The following NYAP2 variants were observed in gnomAD, a reference collection of about 807,000 sequenced individuals.
NYAP2 encodes neuronal tyrosine-phosphorylated phosphoinositide-3-kinase adapter 2.
In NYAP2, 23 loss-of-function variants were observed where a neutral mutation model predicts 50.4. That is an observed-to-expected ratio of 0.46 (90% CI 0.33 to 0.65). The LOEUF is 0.65. NYAP2 is among the 30% of genes least tolerant of loss of function. NYAP2 has a pLI of 0.02. For missense variants in NYAP2, 885 were observed against 861.0 expected, an observed-to-expected ratio of 1.03 and a Z score of -0.35; for synonymous variants, 394 against 365.2, an observed-to-expected ratio of 1.08 and a Z score of -0.90.
intron 3 of NYAP2, among the ~76,000 whole-genome samples, chr2:225,426,056 T>A (rs906982087): frequency 9.2e-5 from 14 of 151,852 alleles, no homozygotes; most frequent in Non-Finnish European, 1.6e-4. Flanking sequence ...TGACAGGAAT[T>A]AATTCTTGAT....
At chr2:225,566,217 A>G (rs1322401137) in intron 4 of NYAP2, among the ~76,000 whole-genome samples, 1 of 152,170 alleles carries the variant, frequency 6.6e-6, no homozygotes, top group Non-Finnish European at 1.5e-5. Flanking sequence ...TATTACTATT[A>G]TTACTGAAGT....
chr2:225,611,738 A>G (rs115685439), intron 5 of NYAP2, among the ~76,000 whole-genome samples: 1,648 of 152,072 alleles, frequency 0.011, 17 homozygotes, highest in Middle Eastern at 0.017. Flanking sequence ...GGCAGAGGTC[A>G]TGGTGTTTTA....
At chr2:225,613,361 G>A (rs115883001) in intron 5 of NYAP2, among the ~76,000 whole-genome samples, 2 of 152,064 alleles carry the variant, frequency 1.3e-5, no homozygotes, top group African/African-American at 4.8e-5. Context: ...ATTTCCACTT[G>A]CTTTATTCCA....
At chr2:225,630,354 C>T (rs929117957) in intron 6 of NYAP2, among the ~76,000 whole-genome samples, 10 of 152,150 alleles carry the variant, frequency 6.6e-5, no homozygotes, top group African/African-American at 2.4e-4. Context: ...ACGTCAAGGA[C>T]CCAGGAACTT....
At chr2:225,601,012 GT>G in intron 5 of NYAP2, among the ~76,000 whole-genome samples, 1 of 152,114 alleles carries the variant, frequency 6.6e-6, no homozygotes, top group East Asian at 1.9e-4. Context: ...TACAAAATAT[GT>G]GATGGACATG....
intron 5 of NYAP2, among the ~76,000 whole-genome samples, chr2:225,590,570 G>A (rs1295430505): frequency 2.6e-5 from 4 of 152,202 alleles, no homozygotes; most frequent in Admixed American, 6.5e-5. Flanking sequence ...ATAACTTGGG[G>A]ACATATGGTT....
intron 4 of NYAP2, among the ~76,000 whole-genome samples, chr2:225,534,931 A>G (rs915306100): frequency 6.6e-6 from 1 of 152,220 alleles, no homozygotes; most frequent in African/African-American, 2.4e-5. Flanking sequence ...AGACACTGCT[A>G]TGGAACTGTG....
intron 3 of NYAP2, among the ~76,000 whole-genome samples, chr2:225,457,705 C>A (rs924782610): frequency 1.3e-5 from 2 of 151,924 alleles, no homozygotes; most frequent in Non-Finnish European, 2.9e-5. Context: ...TTTATTGGCC[C>A]CAAGAGTGTA....
the NYAP2 span, among the ~76,000 whole-genome samples, chr2:225,687,699 A>T: frequency 1.3e-5 from 2 of 152,206 alleles, no homozygotes; most frequent in African/African-American, 4.8e-5. Flanking sequence ...TTATAAATAT[A>T]TGCAAAATGG....
At chr2:225,588,122 C>G (rs1055562164) in intron 5 of NYAP2, among the ~76,000 whole-genome samples, 2 of 152,090 alleles carry the variant, frequency 1.3e-5, no homozygotes, top group African/African-American at 4.8e-5. Flanking sequence ...GATGGCGTTT[C>G]ACCATGTTGG....
intron 3 of NYAP2, among the ~76,000 whole-genome samples, chr2:225,443,626 G>T (rs983411716): frequency 1.5e-4 from 23 of 152,028 alleles, no homozygotes; most frequent in Non-Finnish European, 3.2e-4. Context: ...GAAAAGAAAA[G>T]GAAATATCAT....
the NYAP2 span, among the ~76,000 whole-genome samples, chr2:225,671,484 C>T: frequency 2.0e-5 from 3 of 152,116 alleles, no homozygotes; most frequent in African/African-American, 4.8e-5. Flanking sequence ...TTCTAGTTTT[C>T]TTGTTATAAT....
chr2:225,562,790 G>A (rs957357547), intron 4 of NYAP2, among the ~76,000 whole-genome samples: 3 of 152,054 alleles, frequency 2.0e-5, no homozygotes, highest in African/African-American at 2.4e-5. Flanking sequence ...CTACTTGTGC[G>A]TTTCCAGCAT....
intron 3 of NYAP2, among the ~76,000 whole-genome samples, chr2:225,509,483 G>A (rs1013760602): frequency 4.6e-5 from 7 of 152,096 alleles, no homozygotes; most frequent in African/African-American, 1.7e-4. Flanking sequence ...CATGATCATA[G>A]CCCACTGCAG....
intron 4 of NYAP2, among the ~76,000 whole-genome samples, chr2:225,548,571 A>G (rs1691622124): frequency 6.6e-6 from 1 of 151,538 alleles, no homozygotes; most frequent in Non-Finnish European, 1.5e-5. Context: ...GCTCGGTGGG[A>G]GCAAACGAAG....
intron 3 of NYAP2, among the ~76,000 whole-genome samples, chr2:225,494,478 C>T (rs1444800584): frequency 1.3e-5 from 2 of 152,220 alleles, no homozygotes; most frequent in Admixed American, 1.3e-4. Context: ...CTGCTGGATT[C>T]ATCTTCTCAT....
chr2:225,642,945 A>G (rs2106267017), intron 6 of NYAP2, among the ~76,000 whole-genome samples: 1 of 152,318 alleles, frequency 6.6e-6, no homozygotes, highest in South Asian at 2.1e-4. Context: ...ACAAATAGCA[A>G]ACTTGAGTTA....
chr2:225,560,933 GTT>G (rs34298369), intron 4 of NYAP2, among the ~76,000 whole-genome samples: 3 of 136,464 alleles, frequency 2.2e-5, no homozygotes, highest in Non-Finnish European at 1.6e-5. Context: ...TTTCCAAAAC[GTT>G]TTTTTTTTTT....
At chr2:225,507,030 T>C (rs1182120009) in intron 3 of NYAP2, among the ~76,000 whole-genome samples, 3 of 152,186 alleles carry the variant, frequency 2.0e-5, no homozygotes, top group East Asian at 3.9e-4. Flanking sequence ...AAAATATCAC[T>C]ACAGAAAAGA....
Sources: gnomAD v4.1 joint callset for allele counts (sites outside exome capture counted in the v4.1 genomes callset) on GRCh38, gnomAD v4.1.1 for gene constraint, MANE v1.5 for transcripts, NCBI Gene and HGNC (gene_info 2026-07-23, HGNC 2026-07-21) for gene names.